Variants in PRLH observed in about 807,000 individuals in gnomAD.
PRLH encodes prolactin releasing hormone, also known as prolactin-releasing peptide.
PRLH carries 6 observed loss-of-function variants against 3.2 expected under a neutral mutation model. That is an observed-to-expected ratio of 1.86 (90% CI 1.02 to 3.66). The LOEUF is 3.66. Among genes scored for constraint, PRLH ranks in the 30% most tolerant of loss-of-function variants. PRLH has a pLI of 0.00. For synonymous variants in PRLH, 65 were observed against 51.1 expected, an observed-to-expected ratio of 1.27 and a Z score of -1.16; for missense variants, 145 against 122.6, an observed-to-expected ratio of 1.18 and a Z score of -0.86.
chr2:237,566,885 G>A, intron 1 of PRLH, 127 bp from the exon 2 acceptor site: 2 of 1,394,854 alleles, frequency 1.4e-6, no homozygotes, highest in Non-Finnish European at 2.0e-6. Flanking sequence ...TTCCTCGGGT[G>A]GCTCCCAGCA....
At position 237,566,689 on chromosome 2, in the gene PRLH, C is replaced by T; in HGVS notation, c.100+16C>T. 2 of 1,545,988 alleles carry T rather than the reference C, an allele frequency of 1.3e-6. No homozygotes were observed. The highest frequency in any genetic ancestry group is 2.4e-5 in the East Asian group (1 of 41,184). ...GAGATCCGCAGTGAGTGCCTGGACC[C>T]CTGTCAGCCTCCCTTACCCCACCCT... On this transcript the variant is annotated intron_variant, in intron 1 of 1. Transcript: ENST00000165524.
chr2:237,566,697 C>T (rs1297154653), intron 1 of PRLH, 24 bp downstream of exon 1: 2 of 1,540,798 alleles, frequency 1.3e-6, no homozygotes, highest in Admixed American at 3.9e-5. Context: ...CCCCTGTCAG[C>T]CTCCCTTACC....
At chr2:237,566,880 CG>C in intron 1 of PRLH, 131 bp from the exon 2 acceptor site, 1 of 1,363,310 alleles carries the variant, frequency 7.3e-7, no homozygotes, top group Non-Finnish European at 1.0e-6. Flanking sequence ...GCCTGTTCCT[CG>C]GGTGGCTCCC....
chr2:237,566,956 C>A lies in PRLH; in HGVS notation c.101-56C>A, dbSNP rs2081195341. On this transcript the variant is annotated intron_variant, in intron 1 of 1. Transcript: ENST00000165524. ...CACTCTGCCCCGCTGCCTCTGGGAGCACAGCACACCCTGGGGACACGTGCC... is the reference window on the plus strand; with the variant it reads ...CACTCTGCCCCGCTGCCTCTGGGAGAACAGCACACCCTGGGGACACGTGCC... The A allele has an allele frequency of 2.5e-6, 4 of 1,602,444 alleles. No individual in the cohort carries two copies. In the African/African-American group the frequency reaches 5.3e-5, roughly 21 times the overall value.
In PRLH at chr2:237,566,685, G is replaced by A; in HGVS notation, c.100+12G>A. The A allele has an allele frequency of 6.5e-7, 1 of 1,548,170 alleles. No individual in the cohort carries two copies. Among genetic ancestry groups the A allele is most frequent in the Non-Finnish European group, 8.7e-7 (1 of 1,147,284 alleles). Reference sequence around the variant, plus strand: ...CATGGAGATCCGCAGTGAGTGCCTGGACCCCTGTCAGCCTCCCTTACCCCA... The same window carrying A: ...CATGGAGATCCGCAGTGAGTGCCTGAACCCCTGTCAGCCTCCCTTACCCCA... On this transcript the variant is annotated intron_variant, in intron 1 of 1. Coordinates refer to ENST00000165524, the MANE Select transcript of PRLH (RefSeq NM_015893.1).
At chr2:237,566,865 TG>T in intron 1 of PRLH, 146 bp from the exon 2 acceptor site, 1 of 1,281,950 alleles carries the variant, frequency 7.8e-7, no homozygotes, top group Non-Finnish European at 1.1e-6. Flanking sequence ...CCAGAACCTC[TG>T]GGTGCCTGTT....
chr2:237,567,117 G>A lies in PRLH; in HGVS notation c.206G>A (p.Arg69Gln), dbSNP rs144703716. The A allele has an allele frequency of 5.1e-5, 82 of 1,613,876 alleles. No individual in the cohort carries two copies. The highest frequency in any genetic ancestry group is 1.7e-4 in the Admixed American group (10 of 59,994). ...GGGGACGTCCCCAAGCCTGGCCTGCGACCCCGGCTGACCTGCTTCCCCCTG... is the reference window on the plus strand; with the variant it reads ...GGGGACGTCCCCAAGCCTGGCCTGCAACCCCGGCTGACCTGCTTCCCCCTG... Reference protein sequence around the residue: ...TLGDVPKPGLRPRLTCFPLEG... With the variant: ...TLGDVPKPGLQPRLTCFPLEG... Residue 69 changes from arginine (R) to glutamine (Q), a missense_variant, in exon 2 of 2, where the codon CGA becomes CAA. Physicochemically the swap from Arg to Gln is conservative, Grantham distance 43 (BLOSUM62 1). Transcript: ENST00000165524.
At position 237,567,139 on chromosome 2, in the gene PRLH, C is replaced by G. The variant is rs1450868598; in HGVS notation, c.228C>G (p.Pro76=). Residue 76 remains proline (P), a synonymous_variant, in exon 2 of 2, where the codon CCC becomes CCG. Coordinates refer to ENST00000165524, the MANE Select transcript of PRLH (RefSeq NM_015893.1). Reference sequence around the variant, plus strand: ...TGCGACCCCGGCTGACCTGCTTCCCCCTGGAAGGCGGTGCTATGTCGTCCC... The same window carrying G: ...TGCGACCCCGGCTGACCTGCTTCCCGCTGGAAGGCGGTGCTATGTCGTCCC... The part of the protein sequence containing the change: ...PGLRPRLTCF[P]LEGGAMSSQD... 1 of 1,613,846 alleles carries G rather than the reference C, an allele frequency of 6.2e-7. No individual in the cohort carries two copies. Among genetic ancestry groups the G allele is most frequent in the Non-Finnish European group, 8.5e-7 (1 of 1,179,872 alleles).
intron 1 of PRLH, 33 bp from the exon 2 acceptor site, chr2:237,566,979 G>T: frequency 6.2e-7 from 1 of 1,611,468 alleles, no homozygotes; most frequent in Non-Finnish European, 8.5e-7. Flanking sequence ...GGGGACACGT[G>T]CCCATGGTCT....
At position 237,566,996 on chromosome 2, in the gene PRLH, G is replaced by A. The variant is rs1300676159; in HGVS notation, c.101-16G>A. 6.2e-7 allele frequency: 1 copy of A among 1,613,248 alleles called. No individual in the cohort carries two copies. ...GGACACGTGCCCATGGTCTGCTCCA[G>A]CTCTTTCCTTTCCAGCCCCTGACAT... On this transcript the variant is annotated splice_polypyrimidine_tract_variant and intron_variant, in intron 1 of 1. Coordinates refer to ENST00000165524, the MANE Select transcript of PRLH (RefSeq NM_015893.1).
Position 237,566,661 on chromosome 2 carries a change from A to T in PRLH, c.88A>T (p.Met30Leu). 6.4e-7 allele frequency: 1 copy of T among 1,560,234 alleles called. No homozygotes were observed. The highest frequency in any genetic ancestry group is 8.7e-7 in the Non-Finnish European group (1 of 1,152,984). ...GAASRTHRHS[M>L]EIRTPDINPA... ...TGCAAGTCGTACCCATCGGCACTCC[A>T]TGGAGATCCGCAGTGAGTGCCTGGA... is the stretch of plus-strand genomic sequence containing the variant. The change falls in exon 1 of 2, where the codon ATG (methionine) becomes TTG (leucine). Residue 30 changes from methionine (M) to leucine (L), a missense_variant. By Grantham distance (15) the Met-to-Leu change is conservative. Coordinates refer to ENST00000165524, the MANE Select transcript of PRLH (RefSeq NM_015893.1).
At chr2:237,566,984 T>A in intron 1 of PRLH, 28 bp from the exon 2 acceptor site, 1 of 1,612,354 alleles carries the variant, frequency 6.2e-7, no homozygotes, top group Non-Finnish European at 8.5e-7. Context: ...CACGTGCCCA[T>A]GGTCTGCTCC....
intron 1 of PRLH, 54 bp from the exon 2 acceptor site, chr2:237,566,958 C>T: frequency 1.9e-6 from 3 of 1,604,928 alleles, no homozygotes; most frequent in African/African-American, 2.7e-5. Context: ...TCTGGGAGCA[C>T]AGCACACCCT....
rs370516153 is a variant in PRLH, at chr2:237,567,095, G to A, written c.184G>A (p.Asp62Asn). The change falls in exon 2 of 2, where the codon GAC becomes AAC. Residue 62 changes from aspartate to asparagine, a missense_variant. Coordinates refer to ENST00000165524, the MANE Select transcript of PRLH (RefSeq NM_015893.1). ...CGGTCGGAGGAGGGCAACCCTGGGGGACGTCCCCAAGCCTGGCCTGCGACC... is the reference window on the plus strand; with the variant it reads ...CGGTCGGAGGAGGGCAACCCTGGGGAACGTCCCCAAGCCTGGCCTGCGACC... Reference protein sequence around the residue: ...RFGRRRATLGDVPKPGLRPRL... With the variant: ...RFGRRRATLGNVPKPGLRPRL... The A allele has an allele frequency of 1.2e-5, 20 of 1,614,140 alleles. No individual in the cohort carries two copies. Among genetic ancestry groups the A allele is most frequent in the Non-Finnish European group, 1.7e-5 (20 of 1,180,012 alleles).
intron 1 of PRLH, 73 bp downstream of exon 1, chr2:237,566,746 G>A (rs554796743): frequency 9.1e-6 from 13 of 1,434,022 alleles, no homozygotes; most frequent in Admixed American, 2.0e-5. Context: ...CAGCCTGGTC[G>A]CTCGAGAACC....
chr2:237,566,752 G>T, intron 1 of PRLH, 79 bp downstream of exon 1: 1 of 1,402,376 alleles, frequency 7.1e-7, no homozygotes, highest in South Asian at 1.2e-5. Context: ...GGTCGCTCGA[G>T]AACCTGGCAG....
In PRLH at chr2:237,567,059, G is replaced by A. The variant is rs755432010; in HGVS notation, c.148G>A (p.Val50Met). The A allele has an allele frequency of 1.2e-6, 2 of 1,614,168 alleles. No homozygotes were observed. ...GTACGCCAGTCGCGGGATCAGGCCT[G>A]TGGGCCGCTTCGGTCGGAGGAGGGC... ...AWYASRGIRP[V>M]GRFGRRRATL... is the part of the protein sequence containing the mutation. The change falls in exon 2 of 2, where the codon GTG (valine) becomes ATG (methionine). Residue 50 changes from valine (V) to methionine (M), a missense_variant. Val to Met is a conservative substitution (Grantham distance 21). Transcript: ENST00000165524.
At position 237,566,652 on chromosome 2, in the gene PRLH, C is replaced by T. The variant is rs145573493; in HGVS notation, c.79C>T (p.Arg27Trp). The T allele has an allele frequency of 8.9e-6, 14 of 1,565,424 alleles. No individual in the cohort carries two copies. The African/African-American group carries it at 1.3e-4, about 15-fold the overall frequency. Residue 27 changes from arginine (R) to tryptophan (W), a missense_variant, in exon 1 of 2, where the codon CGG (arginine) becomes TGG (tryptophan). Arg to Trp is a moderately radical substitution (Grantham distance 101, BLOSUM62 -3). Transcript: ENST00000165524. ...ALRGAASRTH[R>W]HSMEIRTPDI... ...GCGGGGAGCTGCAAGTCGTACCCATCGGCACTCCATGGAGATCCGCAGTGA... is the reference window on the plus strand; with the variant it reads ...GCGGGGAGCTGCAAGTCGTACCCATTGGCACTCCATGGAGATCCGCAGTGA...
rs772137854 is a variant in PRLH at position 237,566,662 on chromosome 2, T to C, written c.89T>C (p.Met30Thr). 38 of 1,559,398 alleles carry C rather than the reference T, an allele frequency of 2.4e-5. No individual in the cohort carries two copies. Among genetic ancestry groups the C allele is most frequent in the Admixed American group, 1.9e-4 (10 of 51,948 alleles). The change falls in exon 1 of 2, where the codon ATG becomes ACG. Residue 30 changes from methionine (M) to threonine (T), a missense_variant. By Grantham distance (81) the Met-to-Thr change is moderately conservative (BLOSUM62 -1). Coordinates refer to ENST00000165524, the MANE Select transcript of PRLH (RefSeq NM_015893.1). The stretch of plus-strand genomic sequence containing the variant: ...GCAAGTCGTACCCATCGGCACTCCA[T>C]GGAGATCCGCAGTGAGTGCCTGGAC... ...GAASRTHRHS[M>T]EIRTPDINPA...
Sources: allele counts gnomAD v4.1 joint callset, GRCh38; gene constraint gnomAD v4.1.1; transcripts MANE v1.5; gene names NCBI Gene and HGNC (gene_info 2026-07-23, HGNC 2026-07-21).